The following WASL variants were observed in gnomAD, a reference collection of about 807,000 sequenced individuals.
WASL encodes the protein WASP like actin nucleation promoting factor.
A neutral mutation model predicts 55.5 loss-of-function variants in WASL; 20 were observed. The observed-to-expected ratio is 0.36, with a 90% confidence interval of 0.25 to 0.52. WASL has a LOEUF of 0.52. Ranked by LOEUF, WASL falls within the 20% of genes least tolerant of loss-of-function variation. The pLI is 0.92. For missense variants in WASL, 504 were observed against 622.5 expected (o/e 0.81, Z 2.03); for synonymous variants, 249 against 217.6 (o/e 1.14, Z -1.27).
chr7:123,702,180 CGA>C (rs1484570417), intron 5 of WASL, among the ~76,000 whole-genome samples: 1 of 151,856 alleles, frequency 6.6e-6, no homozygotes, highest in Non-Finnish European at 1.5e-5. Context: ...CTCAGCCTCC[CGA>C]GTAGCTGGGA....
Position 123,704,292 on chromosome 7 carries a change from T to C in WASL, c.460+342A>G, listed in dbSNP as rs899093559. Among the ~76,000 whole-genome samples, 6 of 152,188 alleles carry C rather than the reference T, an allele frequency of 3.9e-5. No individual in the cohort carries two copies. In the South Asian group the frequency reaches 6.2e-4, roughly 16 times the overall value. ...CAAAATGTACTGCCTCTAGGAAAAA[T>C]GTTAAGGTCCGATTGTATACTTAGT... On this transcript the variant is annotated intron_variant, in intron 5 of 10. Coordinates refer to ENST00000223023, the MANE Select transcript of WASL (RefSeq NM_003941.4).
intron 1 of WASL, among the ~76,000 whole-genome samples, chr7:123,721,856 C>T (rs6950659): frequency 0.46 from 69,492 of 151,996 alleles, 16,151 homozygotes; most frequent in South Asian, 0.67. Context: ...GAGACAGAGG[C>T]TGCAGTGAGC....
chr7:123,686,121 T>C (rs937027756), intron 10 of WASL, among the ~76,000 whole-genome samples: 2 of 151,492 alleles, frequency 1.3e-5, no homozygotes, highest in African/African-American at 4.8e-5. Flanking sequence ...ACTTGAAAAT[T>C]AACAGAAGCC....
At chr7:123,735,809 A>G (rs765770561) in intron 1 of WASL, among the ~76,000 whole-genome samples, 2 of 152,154 alleles carry the variant, frequency 1.3e-5, no homozygotes, top group Non-Finnish European at 2.9e-5. Flanking sequence ...GCTATACAGC[A>G]GTGAGGTATG....
At chr7:123,726,682 T>C (rs1463873932) in intron 1 of WASL, among the ~76,000 whole-genome samples, 1 of 152,112 alleles carries the variant, frequency 6.6e-6, no homozygotes, top group Non-Finnish European at 1.5e-5. Context: ...CTGGCCAACA[T>C]GGTGAAACTC....
chr7:123,689,418 C>G (rs1358107916), intron 9 of WASL, among the ~76,000 whole-genome samples: 1 of 152,184 alleles, frequency 6.6e-6, no homozygotes, highest in East Asian at 1.9e-4. Context: ...CAAACCCTCT[C>G]CTGAATAATA....
Position 123,694,760 on chromosome 7 carries a change from T to C in WASL, c.781A>G (p.Lys261Glu). Residue 261 changes from lysine to glutamate, a missense_variant, in exon 8 of 11, where the codon AAA becomes GAA. This residue lies in a region of WASL where 17 missense variants were observed against 58.4 expected (regional missense o/e 0.29). Transcript: ENST00000223023. ...TTAACAGCTTCAACACCTCCTGTTT[T>C]TTCAATAAAGTCATATATAACTTTT... Reference protein sequence around the residue: ...TSKVIYDFIEKTGGVEAVKNE... With the variant: ...TSKVIYDFIEETGGVEAVKNE... 6.2e-7 allele frequency: 1 copy of C among 1,613,468 alleles called. No individual in the cohort carries two copies. Among genetic ancestry groups the C allele is most frequent in the Non-Finnish European group, 8.5e-7 (1 of 1,179,698 alleles).
At chr7:123,702,829 G>T (rs1442567383) in intron 5 of WASL, among the ~76,000 whole-genome samples, 1 of 152,058 alleles carries the variant, frequency 6.6e-6, no homozygotes, top group East Asian at 1.9e-4. Flanking sequence ...TTGTATCCAT[G>T]GGGGGATCCT....
At chr7:123,730,524 A>G (rs1030933979) in intron 1 of WASL, among the ~76,000 whole-genome samples, 2 of 152,302 alleles carry the variant, frequency 1.3e-5, no homozygotes, top group African/African-American at 4.8e-5. Flanking sequence ...CATATTGCAA[A>G]CTACAGGGCA....
chr7:123,748,947 C>G lies in WASL; in HGVS notation c.-213G>C. On this transcript the variant is annotated 5_prime_UTR_variant, in exon 1 of 11. Coordinates refer to ENST00000223023, the MANE Select transcript of WASL (RefSeq NM_003941.4). ...CGCGCTGAGAAAGGGAAGCTCCCGG[C>G]ACCCGCCCGGCCAGGCTAGGGCCGG... 1 of 568,604 alleles carries G rather than the reference C, an allele frequency of 1.8e-6. No homozygotes were observed. Among genetic ancestry groups the G allele is most frequent in the South Asian group, 2.1e-5 (1 of 47,906 alleles). 35.2% of individuals were successfully genotyped at this position (568,604 alleles called of 1,614,324 possible). A position where few individuals can be genotyped will look rare whatever the true frequency, so the allele number is the denominator to read the frequency against.
At chr7:123,739,914 G>GTGTGTGTGTGTA (rs1214094701) in intron 1 of WASL, among the ~76,000 whole-genome samples, 1 of 33,036 alleles carries the variant, frequency 3.0e-5, no homozygotes, top group Non-Finnish European at 6.7e-5. Flanking sequence ...GTGTGTGTGT[G>GTGTGTGTGTGTA]TATATATATA....
chr7:123,739,431 G>C (rs900297901), intron 1 of WASL, among the ~76,000 whole-genome samples: 2 of 152,142 alleles, frequency 1.3e-5, no homozygotes, highest in African/African-American at 4.8e-5. Context: ...CAATTTTTCA[G>C]CTTTACAATG....
Position 123,748,818 on chromosome 7 carries a change from CG to C in WASL, c.-85del. ...TCGTTCCCCCTCTCGGTGACAGGGG[CG>C]GGGAGAAGTGGAGTCAGAGGCGCCA... On this transcript the variant is annotated 5_prime_UTR_variant, in exon 1 of 11. Coordinates refer to ENST00000223023, the MANE Select transcript of WASL (RefSeq NM_003941.4). The C allele has an allele frequency of 8.4e-7, 1 of 1,196,082 alleles. No homozygotes were observed. The highest frequency in any genetic ancestry group is 1.1e-6 in the Non-Finnish European group (1 of 879,752). 74.1% of individuals were successfully genotyped at this position (1,196,082 alleles called of 1,614,324 possible). A position where few individuals can be genotyped will look rare whatever the true frequency, so the allele number is the denominator to read the frequency against.
rs1201976773 is a variant in WASL, at chr7:123,694,877, G to GA, written c.673-10dup. The GA allele has an allele frequency of 6.3e-7, 1 of 1,596,200 alleles. No individual in the cohort carries two copies. Among genetic ancestry groups the GA allele is most frequent in the African/African-American group, 1.4e-5 (1 of 73,476 alleles). ...GGATCCAAATTATTCAGCTACAAAA[G>GA]AAAGTAACTGCTAACTATAAAAATA... On this transcript the variant is annotated splice_polypyrimidine_tract_variant and intron_variant, in intron 7 of 10. Transcript: ENST00000223023.
At chr7:123,734,245 A>C (rs1804189073) in intron 1 of WASL, among the ~76,000 whole-genome samples, 2 of 152,194 alleles carry the variant, frequency 1.3e-5, no homozygotes, top group Non-Finnish European at 2.9e-5. Context: ...CAGCTGATAC[A>C]GGAATTGATT....
chr7:123,748,774 C>T lies in WASL; in HGVS notation c.-40G>A, dbSNP rs533008861. The T allele has an allele frequency of 4.7e-6, 7 of 1,476,996 alleles. No individual in the cohort carries two copies. Among genetic ancestry groups the T allele is most frequent in the East Asian group, 2.8e-5 (1 of 35,338 alleles). The allele number at this position is 1,476,996 out of a possible 1,614,324, so 91.5% of individuals were successfully genotyped here. Reference sequence around the variant, plus strand: ...GGTTGGGAGTCCAGGGCCGTCTCCTCCGGCGAGTGGGCGAGAGCTCGTTCC... The same window carrying T: ...GGTTGGGAGTCCAGGGCCGTCTCCTTCGGCGAGTGGGCGAGAGCTCGTTCC... On this transcript the variant is annotated 5_prime_UTR_variant, in exon 1 of 11. Transcript: ENST00000223023.
At chr7:123,710,555 T>C (rs905169943) in intron 1 of WASL, among the ~76,000 whole-genome samples, 12 of 152,100 alleles carry the variant, frequency 7.9e-5, no homozygotes, top group Non-Finnish European at 1.5e-4. Context: ...TTCAGAAATG[T>C]AAGATCAGTA....
chr7:123,692,947 T>C (rs541378960), intron 8 of WASL, 80 bp from the exon 9 acceptor site: 3 of 1,309,118 alleles, frequency 2.3e-6, no homozygotes, highest in Admixed American at 5.9e-5. Context: ...CATTTTAACA[T>C]GTATAAAAAT....
At chr7:123,713,990 C>T (rs754599859) in intron 1 of WASL, among the ~76,000 whole-genome samples, 7 of 152,178 alleles carry the variant, frequency 4.6e-5, no homozygotes, top group African/African-American at 7.2e-5. Flanking sequence ...GCCCTAGAAC[C>T]AATCCCCCAT....
Sources: allele counts gnomAD v4.1 joint callset (sites outside exome capture counted in the v4.1 genomes callset), GRCh38; gene constraint gnomAD v4.1.1; regional missense constraint gnomAD v4.1.1; transcripts MANE v1.5; gene names NCBI Gene and HGNC (gene_info 2026-07-23, HGNC 2026-07-21).